CACNA1I: variants seen among roughly 807,000 people sequenced by gnomAD.
CACNA1I encodes voltage-dependent T-type calcium channel subunit alpha-1I.
CACNA1I carries 74 observed loss-of-function variants against 201.6 expected under a neutral mutation model. That is an observed-to-expected ratio of 0.37 (90% CI 0.30 to 0.45). CACNA1I has a LOEUF of 0.45. CACNA1I is among the 20% of genes least tolerant of loss of function. CACNA1I has a pLI of 1.00. For synonymous variants in CACNA1I, 1,431 were observed against 1,345.2 expected, an observed-to-expected ratio of 1.06 and a Z score of -1.40; for missense variants, 2,346 against 3,138.1, an observed-to-expected ratio of 0.75 and a Z score of 6.03.
Position 39,659,400 on chromosome 22 carries a change from G to T in CACNA1I, c.2331-33G>T. On this transcript the variant is annotated intron_variant, in intron 12 of 36. Transcript: ENST00000402142. The surrounding 1 kb of genome is among the most constrained non-coding windows in gnomAD (Gnocchi z 4.3). ...GGTGAGTAGGCAGTTTGGTGCATGTGAGTCCGATGAGCCTCTTCCATCCTT... is the reference window on the plus strand; with the variant it reads ...GGTGAGTAGGCAGTTTGGTGCATGTTAGTCCGATGAGCCTCTTCCATCCTT... 1.4e-6 allele frequency: 2 copies of T among 1,382,466 alleles called. No individual in the cohort carries two copies. Among genetic ancestry groups the T allele is most frequent in the Non-Finnish European group, 1.0e-6 (1 of 992,604 alleles). 85.6% of individuals were successfully genotyped at this position (1,382,466 alleles called of 1,614,324 possible).
intron 4 of CACNA1I, among the ~76,000 whole-genome samples, chr22:39,628,480 G>A (rs1352339801): frequency 2.6e-5 from 4 of 151,966 alleles, no homozygotes; most frequent in African/African-American, 9.7e-5. Flanking sequence ...GCCAGCCCCC[G>A]AGGGTGTGAG....
chr22:39,599,529 G>T (rs1484092988), intron 2 of CACNA1I, among the ~76,000 whole-genome samples: 1 of 143,558 alleles, frequency 7.0e-6, no homozygotes, highest in Non-Finnish European at 1.5e-5. Context: ...TGAGGCAGGA[G>T]AATGGCGTGA....
chr22:39,684,397 C>T lies in CACNA1I; in HGVS notation c.5926C>T (p.Pro1976Ser). Residue 1976 changes from proline (P) to serine (S), a missense_variant, in exon 36 of 37, where the codon CCA (proline) becomes TCA (serine). Transcript: ENST00000402142. The surrounding 1 kb of genome is among the most constrained non-coding windows in gnomAD (Gnocchi z 4.6). The stretch of plus-strand genomic sequence containing the variant: ...TGCAGTGTCTGCCAGCCAGAAAGGC[C>T]CAGAAAAGGGCACTGGCACTGGAAC... ...HPAVSASQKG[P>S]EKGTGTGTLP... 6.2e-7 allele frequency: 1 copy of T among 1,613,638 alleles called. No homozygotes were observed. Among genetic ancestry groups the T allele is most frequent in the Non-Finnish European group, 8.5e-7 (1 of 1,179,852 alleles).
chr22:39,614,565 C>G (rs528652885), intron 3 of CACNA1I, among the ~76,000 whole-genome samples: 25 of 152,370 alleles, frequency 1.6e-4, no homozygotes, highest in African/African-American at 5.8e-4. Context: ...TCCCTGCAGT[C>G]CTGGCTTAAG....
At chr22:39,573,883 C>T (rs2145796151) in intron 1 of CACNA1I, among the ~76,000 whole-genome samples, 1 of 152,258 alleles carries the variant, frequency 6.6e-6, no homozygotes, top group South Asian at 2.1e-4. Flanking sequence ...GGAGAGAGCC[C>T]TGGGTCCAAG....
At chr22:39,630,700 A>T (rs1934036912) in intron 4 of CACNA1I, among the ~76,000 whole-genome samples, 1 of 152,218 alleles carries the variant, frequency 6.6e-6, no homozygotes, top group Non-Finnish European at 1.5e-5. Context: ...CTCATGGCAG[A>T]GACACCAGAC....
intron 3 of CACNA1I, among the ~76,000 whole-genome samples, chr22:39,605,534 C>G (rs987521336): frequency 3.3e-5 from 5 of 152,214 alleles, no homozygotes; most frequent in African/African-American, 9.7e-5. Context: ...ACATGCCAGG[C>G]CTTGTGCAGA....
At chr22:39,661,057 C>G in intron 15 of CACNA1I, 51 bp from the exon 16 acceptor site, 1 of 1,438,358 alleles carries the variant, frequency 7.0e-7, no homozygotes, top group South Asian at 1.2e-5. Context: ...TGCTGTTGTT[C>G]TGTCCTGTCT....
intron 1 of CACNA1I, among the ~76,000 whole-genome samples, chr22:39,590,901 A>T (rs2145816521): frequency 6.6e-6 from 1 of 152,292 alleles, no homozygotes; most frequent in South Asian, 2.1e-4. Context: ...GCTGGAGTGA[A>T]GTGGCTTGAT....
rs976747427 is a variant in CACNA1I at position 39,608,306 on chromosome 22, G to T, written c.482+7653G>T. ...AGACAGAGTCTCAGTCTCTAAAAAA[G>T]AACTTCTGTGATCACCCAGTCCAGT... On this transcript the variant is annotated intron_variant, in intron 3 of 36. Transcript: ENST00000402142. Among the ~76,000 whole-genome samples, 6 of 151,806 alleles carry T rather than the reference G, an allele frequency of 4.0e-5. No homozygotes were observed. The East Asian group carries it at 7.8e-4, about 20-fold the overall frequency.
chr22:39,682,579 G>A lies in CACNA1I; in HGVS notation c.5748G>A (p.Pro1916=), dbSNP rs61065928. The stretch of plus-strand genomic sequence containing the variant: ...CCTTGTCCTCTACGGCCGTCTCGCC[G>A]GATCCAGAGAACTTCCTGTGTGAGA... ...FFPLSSTAVS[P]DPENFLCEME... The change falls in exon 35 of 37, where the codon CCG becomes CCA. Residue 1916 remains proline, a synonymous_variant. Coordinates refer to ENST00000402142, the MANE Select transcript of CACNA1I (RefSeq NM_021096.4). 2.1e-5 allele frequency: 34 copies of A among 1,613,532 alleles called. No individual in the cohort carries two copies. The African/African-American group carries it at 2.8e-4, about 13-fold the overall frequency.
rs1935021387 is a variant in CACNA1I, at chr22:39,661,866, CTT to C, written c.2902-98_2902-97del. The C allele has an allele frequency of 4.1e-6, 3 of 737,114 alleles. No individual in the cohort carries two copies. The South Asian group carries it at 5.9e-5, about 14-fold the overall frequency. 45.7% of individuals were successfully genotyped at this position (737,114 alleles called of 1,614,324 possible). ...ATCACCCGCTGGCCAGGTGGGTGGT[CTT>C]AGAGCCACAGCGGGGGTGCAGGCTG... On this transcript the variant is annotated intron_variant, in intron 16 of 36. Coordinates refer to ENST00000402142, the MANE Select transcript of CACNA1I (RefSeq NM_021096.4).
intron 26 of CACNA1I, among the ~76,000 whole-genome samples, chr22:39,671,815 A>G (rs1324911407): frequency 6.6e-6 from 1 of 152,206 alleles, no homozygotes; most frequent in Non-Finnish European, 1.5e-5. Flanking sequence ...TCCAGCACCG[A>G]ACTATCAGCT....
Position 39,665,411 on chromosome 22 carries a change from C to A in CACNA1I, c.3852-87C>A. ...CCCTGGGGACTCATGCCCTGGGATACTCAGCCCTGGTGACTCTGGGCTGAG... is the reference window on the plus strand; with the variant it reads ...CCCTGGGGACTCATGCCCTGGGATAATCAGCCCTGGTGACTCTGGGCTGAG... On this transcript the variant is annotated intron_variant, in intron 21 of 36. Transcript: ENST00000402142. The surrounding 1 kb of genome is among the most constrained non-coding windows in gnomAD (Gnocchi z 5.5). The A allele has an allele frequency of 6.6e-7, 1 of 1,526,316 alleles. No individual in the cohort carries two copies. 94.5% of individuals were successfully genotyped at this position (1,526,316 alleles called of 1,614,324 possible).
intron 23 of CACNA1I, among the ~76,000 whole-genome samples, chr22:39,667,341 G>T (rs1044176379): frequency 6.6e-6 from 1 of 152,216 alleles, no homozygotes; most frequent in Admixed American, 6.5e-5. Flanking sequence ...GGAAGGAGGG[G>T]CCAGTGCAGG....
intron 1 of CACNA1I, among the ~76,000 whole-genome samples, chr22:39,596,009 G>A (rs570828882): frequency 6.7e-6 from 1 of 149,620 alleles, no homozygotes; most frequent in Admixed American, 6.7e-5. Flanking sequence ...GATGCTAGAA[G>A]CTCAGCCCTT....
At chr22:39,639,470 T>G (rs1934300170) in intron 5 of CACNA1I, among the ~76,000 whole-genome samples, 1 of 152,244 alleles carries the variant, frequency 6.6e-6, no homozygotes, top group African/African-American at 2.4e-5. Context: ...TGTGGTGATG[T>G]TCATTGCATT....
intron 3 of CACNA1I, among the ~76,000 whole-genome samples, chr22:39,613,013 A>G (rs1322162987): frequency 6.6e-6 from 1 of 152,186 alleles, no homozygotes. Context: ...TCCATTAGCT[A>G]CATCTTAAAT....
chr22:39,630,025 C>T (rs541546791), intron 4 of CACNA1I, among the ~76,000 whole-genome samples: 3 of 152,220 alleles, frequency 2.0e-5, no homozygotes, highest in African/African-American at 7.2e-5. Context: ...AGCTTCCCCC[C>T]AGCCGCATGG....
Sources: allele counts gnomAD v4.1 joint callset (sites outside exome capture counted in the v4.1 genomes callset), GRCh38; gene constraint gnomAD v4.1.1; non-coding constraint Gnocchi (gnomAD v3.1); transcripts MANE v1.5; gene names NCBI Gene and HGNC (gene_info 2026-07-23, HGNC 2026-07-21).